Variants in ACADM observed in about 807,000 individuals in gnomAD.
The protein encoded by ACADM is medium-chain specific acyl-CoA dehydrogenase, mitochondrial.
In ACADM, 49 loss-of-function variants were observed where a neutral mutation model predicts 58.9. That is an observed-to-expected ratio of 0.83 (90% confidence interval 0.66 to 1.06). ACADM has a LOEUF of 1.06. ACADM is among the 50% of genes least tolerant of loss of function. The pLI is 0.00. For missense variants in ACADM, 496 were observed against 507.0 expected (o/e 0.98, Z 0.21); for synonymous variants, 160 against 157.7 (o/e 1.01, Z -0.11).
chr1:75,745,081 G>GA (rs1557454429), intron 7 of ACADM, among the ~76,000 whole-genome samples: 1 of 152,072 alleles, frequency 6.6e-6, no homozygotes, highest in Non-Finnish European at 1.5e-5. Flanking sequence ...TATATACTAT[G>GA]TTTTTTTCCT....
intron 7 of ACADM, chr1:75,743,665 A>G: frequency 6.8e-7 from 1 of 1,478,996 alleles, no homozygotes; most frequent in South Asian, 1.1e-5. Flanking sequence ...TCCATTGCTA[A>G]TGGTGAAGGT....
At chr1:75,755,991 C>T (rs1169252182) in intron 10 of ACADM, among the ~76,000 whole-genome samples, 1 of 152,170 alleles carries the variant, frequency 6.6e-6, no homozygotes, top group East Asian at 1.9e-4. Context: ...TCAATAGATG[C>T]AGAAAAGGCC....
At chr1:75,751,493 CTT>C (rs370953741) in intron 10 of ACADM, among the ~76,000 whole-genome samples, 2 of 144,172 alleles carry the variant, frequency 1.4e-5, no homozygotes. Context: ...AGGATCCTTG[CTT>C]TTTTTTTTTT....
intron 6 of ACADM, among the ~76,000 whole-genome samples, chr1:75,736,236 G>A (rs1375506712): frequency 6.7e-6 from 1 of 149,360 alleles, no homozygotes; most frequent in Admixed American, 6.6e-5. Flanking sequence ...TTTACCTAAG[G>A]ATTTTTACTT....
chr1:75,726,800 C>CTTTTTTTT (rs748703972), intron 1 of ACADM, among the ~76,000 whole-genome samples: 1 of 119,844 alleles, frequency 8.3e-6, no homozygotes. Context: ...AACTGTTTCA[C>CTTTTTTTT]TTTTTTTTTT....
chr1:75,736,452 AT>A (rs11306077), intron 6 of ACADM, among the ~76,000 whole-genome samples: 51,713 of 146,684 alleles, frequency 0.35, 9,234 homozygotes, highest in African/African-American at 0.49. Context: ...GAAATTTGCA[AT>A]TTTTTTTAAC....
At chr1:75,741,780 G>C (rs971978073) in intron 7 of ACADM, among the ~76,000 whole-genome samples, 34 of 152,182 alleles carry the variant, frequency 2.2e-4, no homozygotes, top group African/African-American at 8.0e-4. Flanking sequence ...GTGTTGTTTA[G>C]GGAAGAATAT....
At chr1:75,730,248 T>C (rs576418324) in intron 2 of ACADM, among the ~76,000 whole-genome samples, 1 of 152,176 alleles carries the variant, frequency 6.6e-6, no homozygotes, top group African/African-American at 2.4e-5. Context: ...TGCTTGTCAC[T>C]TTAAATTTCT....
At chr1:75,744,586 G>A (rs1483232903) in intron 7 of ACADM, 3 of 1,330,394 alleles carry the variant, frequency 2.3e-6, no homozygotes, top group Non-Finnish European at 3.2e-6. Flanking sequence ...CTTGCATACA[G>A]TTGTAGTTCT....
intron 1 of ACADM, among the ~76,000 whole-genome samples, chr1:75,725,702 G>C (rs769252669): frequency 2.5e-4 from 38 of 152,222 alleles, no homozygotes; most frequent in Non-Finnish European, 5.0e-4. Flanking sequence ...TAGTGGTGCT[G>C]TTTCGATATT....
In ACADM at chr1:75,733,596, G is replaced by T. The variant is rs376982913; in HGVS notation, c.355G>T (p.Val119Phe). Residue 119 changes from valine to phenylalanine, a missense_variant, in exon 5 of 12, where the codon GTT becomes TTT. Coordinates refer to ENST00000370841, the MANE Select transcript of ACADM (RefSeq NM_000016.6). ...AGAATTGGCTTATGGATGTACAGGG[G>T]TTCAGACTGCTATTGAAGGAAATTC... ...SEELAYGCTGVQTAIEGNSLG... is the reference protein window; with the variant it reads ...SEELAYGCTGFQTAIEGNSLG... The T allele has an allele frequency of 1.2e-6, 2 of 1,614,006 alleles. No individual in the cohort carries two copies. The highest frequency in any genetic ancestry group is 1.7e-6 in the Non-Finnish European group (2 of 1,179,974).
intron 2 of ACADM, chr1:75,732,405 A>G (rs1647162669): frequency 2.0e-6 from 1 of 507,650 alleles, no homozygotes; most frequent in Non-Finnish European, 3.5e-6. Context: ...ACAGGTTAAT[A>G]TCTATTACTC....
intron 9 of ACADM, 105 bp downstream of exon 9, chr1:75,749,664 T>A: frequency 2.8e-6 from 3 of 1,061,372 alleles, no homozygotes; most frequent in Non-Finnish European, 4.1e-6. Flanking sequence ...CTTTTTAATA[T>A]CTGCTTATTT....
At chr1:75,752,387 G>C (rs1385956252) in intron 10 of ACADM, among the ~76,000 whole-genome samples, 13 of 152,170 alleles carry the variant, frequency 8.5e-5, no homozygotes, top group Non-Finnish European at 1.9e-4. Flanking sequence ...TGCTGTAAAA[G>C]TGTCTAAATG....
chr1:75,761,131 A>G lies in ACADM; in HGVS notation c.955A>G (p.Ile319Val), dbSNP rs1156515466. The change falls in exon 11 of 12, where the codon ATA becomes GTA. Residue 319 changes from isoleucine (I) to valine (V), a missense_variant. Physicochemically the swap from Ile to Val is conservative, Grantham distance 29. Transcript: ENST00000370841. ...FGKLLVEHQA[I>V]SFMLAEMAMK... Reference sequence around the variant, plus strand: ...TTCTTTTTAATTCTAGCACCAAGCAATATCATTTATGCTGGCTGAAATGGC... The same window carrying G: ...TTCTTTTTAATTCTAGCACCAAGCAGTATCATTTATGCTGGCTGAAATGGC... 1.2e-6 allele frequency: 2 copies of G among 1,613,974 alleles called. No individual in the cohort carries two copies. The highest frequency in any genetic ancestry group is 1.1e-5 in the South Asian group (1 of 91,080).
chr1:75,741,823 T>C (rs958788628), intron 7 of ACADM, among the ~76,000 whole-genome samples: 3 of 152,224 alleles, frequency 2.0e-5, no homozygotes, highest in African/African-American at 7.2e-5. Flanking sequence ...TGTACCAGGA[T>C]ATATAGAACA....
chr1:75,732,648 C>T lies in ACADM; in HGVS notation c.123C>T (p.Phe41=). Residue 41 remains phenylalanine, a synonymous_variant, in exon 3 of 12, where the codon TTC becomes TTT. Transcript: ENST00000370841. ...REPGLGFSFE[F]TEQQKEFQAT... is the part of the protein sequence containing the mutation. Reference sequence around the variant, plus strand: ...TTCTAAATAATTTTCCCTTAGAGTTCACCGAACAGCAGAAAGAATTTCAAG... The same window carrying T: ...TTCTAAATAATTTTCCCTTAGAGTTTACCGAACAGCAGAAAGAATTTCAAG... 1 of 1,613,292 alleles carries T rather than the reference C, an allele frequency of 6.2e-7. No individual in the cohort carries two copies.
chr1:75,749,275 C>A (rs923866067), intron 8 of ACADM, 144 bp from the exon 9 acceptor site: 27 of 772,236 alleles, frequency 3.5e-5, no homozygotes, highest in Non-Finnish European at 5.2e-5. Context: ...TCCAATCAGG[C>A]TTTCTTTGCA....
intron 10 of ACADM, among the ~76,000 whole-genome samples, chr1:75,760,283 AG>A (rs1648756262): frequency 6.8e-6 from 1 of 147,088 alleles, no homozygotes; most frequent in Non-Finnish European, 1.5e-5. Context: ...AAAAAAAAAA[AG>A]CCTGGTGTGG....
Sources: allele counts gnomAD v4.1 joint callset (sites outside exome capture counted in the v4.1 genomes callset), GRCh38; gene constraint gnomAD v4.1.1; transcripts MANE v1.5; gene names NCBI Gene and HGNC (gene_info 2026-07-23, HGNC 2026-07-21).